Variants in LIN52 observed in about 807,000 individuals in gnomAD.
LIN52 encodes protein lin-52 homolog.
In LIN52, 4 loss-of-function variants were observed where a neutral mutation model predicts 18.5. The ratio of observed to expected loss-of-function variants is 0.22; its 90% CI spans 0.11 to 0.49. The LOEUF (loss-of-function observed/expected upper bound fraction) is 0.49. Ranked by LOEUF, LIN52 falls within the 20% of genes least tolerant of loss-of-function variation. LIN52 has a pLI of 0.97. For missense variants in LIN52, 102 were observed against 139.5 expected (o/e 0.73, Z 1.35); for synonymous variants, 34 against 45.5 (o/e 0.75, Z 1.02).
At chr14:74,194,236 C>G (rs1448557512) in intron 5 of LIN52, among the ~76,000 whole-genome samples, 1 of 152,156 alleles carries the variant, frequency 6.6e-6, no homozygotes, top group Admixed American at 6.5e-5. Flanking sequence ...AGTGAGAAAT[C>G]AATCTGTACC....
At chr14:74,185,695 T>G (rs1422453516) in intron 5 of LIN52, among the ~76,000 whole-genome samples, 1 of 152,214 alleles carries the variant, frequency 6.6e-6, no homozygotes, top group Non-Finnish European at 1.5e-5. Context: ...AAAAGTTACT[T>G]CAAAATAACT....
At chr14:74,156,836 C>A (rs1274071837) in intron 5 of LIN52, among the ~76,000 whole-genome samples, 1 of 152,094 alleles carries the variant, frequency 6.6e-6, no homozygotes, top group Admixed American at 6.6e-5. Context: ...AACCACTATT[C>A]TACTCTGTAC....
At chr14:74,104,405 G>T (rs1326899138) in intron 5 of LIN52, among the ~76,000 whole-genome samples, 2 of 151,692 alleles carry the variant, frequency 1.3e-5, no homozygotes, top group Non-Finnish European at 2.9e-5. Flanking sequence ...ATCTTTTTTA[G>T]CCTGTCATAC....
At chr14:74,172,280 A>C (rs1227231219) in intron 5 of LIN52, among the ~76,000 whole-genome samples, 1 of 152,170 alleles carries the variant, frequency 6.6e-6, no homozygotes, top group Non-Finnish European at 1.5e-5. Flanking sequence ...AAAGCCGTTA[A>C]AACACAGGAC....
chr14:74,175,748 ACACC>A (rs200961706), intron 5 of LIN52, among the ~76,000 whole-genome samples: 5,248 of 98,770 alleles, frequency 0.053, 187 homozygotes, highest in African/African-American at 0.11. Flanking sequence ...ACACACACAC[ACACC>A]CCCATTATAC....
At position 74,135,055 on chromosome 14, in the gene LIN52, T is replaced by TTTG. The variant is rs375589105; in HGVS notation, c.283+33831_283+33833dup. ...CCCTGAACCTTCTTTGAGGTAGGGA[T>TTTG]TTGTTGTTGTTGTTGTCGTTGTTGT... On this transcript the variant is annotated intron_variant, in intron 5 of 5. Coordinates refer to ENST00000555028, the MANE Select transcript of LIN52 (RefSeq NM_001024674.3). Among the ~76,000 whole-genome samples, 172 of 151,870 alleles carry TTTG rather than the reference T, an allele frequency of 1.1e-3. 2 individuals are homozygous for TTTG. In the East Asian group the frequency reaches 0.025, roughly 22 times the overall value.
chr14:74,115,804 G>A (rs907708773), intron 5 of LIN52, among the ~76,000 whole-genome samples: 3 of 152,058 alleles, frequency 2.0e-5, no homozygotes, highest in Admixed American at 6.5e-5. Context: ...TCTTTTATCC[G>A]TTAGTCAAGT....
intron 5 of LIN52, among the ~76,000 whole-genome samples, chr14:74,193,258 A>AG (rs2078890967): frequency 6.6e-6 from 1 of 151,662 alleles, no homozygotes; most frequent in Non-Finnish European, 1.5e-5. Context: ...AAAAAAAAAA[A>AG]AAAGAAAAAA....
chr14:74,158,201 G>A (rs1030307617), intron 5 of LIN52, among the ~76,000 whole-genome samples: 6 of 148,674 alleles, frequency 4.0e-5, no homozygotes, highest in East Asian at 2.0e-4. Flanking sequence ...TGCAACCTCC[G>A]CCTCACAGGT....
chr14:74,191,837 G>A (rs1032604868), intron 5 of LIN52, among the ~76,000 whole-genome samples: 4 of 151,922 alleles, frequency 2.6e-5, no homozygotes, highest in African/African-American at 7.3e-5. Flanking sequence ...GAGTTTCACC[G>A]TGTTAGCCAG....
intron 5 of LIN52, among the ~76,000 whole-genome samples, chr14:74,180,537 C>T (rs1403260389): frequency 6.6e-6 from 1 of 151,544 alleles, no homozygotes; most frequent in Non-Finnish European, 1.5e-5. Flanking sequence ...GGATTACAGG[C>T]GTGAGCCACC....
At chr14:74,115,151 G>T (rs182211239) in intron 5 of LIN52, among the ~76,000 whole-genome samples, 1 of 152,256 alleles carries the variant, frequency 6.6e-6, no homozygotes, top group East Asian at 1.9e-4. Context: ...TTCCCATTAG[G>T]TATTATGACT....
intron 5 of LIN52, among the ~76,000 whole-genome samples, chr14:74,155,471 A>G (rs2061195543): frequency 6.6e-6 from 1 of 152,148 alleles, no homozygotes; most frequent in Non-Finnish European, 1.5e-5. Flanking sequence ...ATCAATAAGG[A>G]GGTAATTGAA....
intron 4 of LIN52, among the ~76,000 whole-genome samples, chr14:74,100,450 A>G (rs2060845893): frequency 6.6e-6 from 1 of 151,646 alleles, no homozygotes; most frequent in Non-Finnish European, 1.5e-5. Flanking sequence ...ACAGGCATAC[A>G]CCACCATACC....
At chr14:74,093,158 G>T (rs1425512651) in intron 2 of LIN52, among the ~76,000 whole-genome samples, 1 of 151,698 alleles carries the variant, frequency 6.6e-6, no homozygotes, top group African/African-American at 2.4e-5. Context: ...CACCAAGTAG[G>T]TTGGTCTTGA....
At chr14:74,159,976 T>G (rs1001359668) in intron 5 of LIN52, among the ~76,000 whole-genome samples, 1 of 152,248 alleles carries the variant, frequency 6.6e-6, no homozygotes, top group African/African-American at 2.4e-5. Context: ...TGTATAATTT[T>G]CAGCAGAGAG....
chr14:74,164,127 GC>G (rs1014948204), intron 5 of LIN52, among the ~76,000 whole-genome samples: 6 of 151,270 alleles, frequency 4.0e-5, no homozygotes, highest in African/African-American at 1.5e-4. Flanking sequence ...GACTACAGGT[GC>G]CCGCCACCAT....
In LIN52 at chr14:74,145,461, G is replaced by A. The variant is rs541818535; in HGVS notation, c.283+44223G>A. On this transcript the variant is annotated intron_variant, in intron 5 of 5. Transcript: ENST00000555028. ...AAGCATCCACTTTTGTAGATCACCT[G>A]ATTTGTAGTAAAAGATTCTCTATGG... Among the ~76,000 whole-genome samples the A allele has an allele frequency of 2.0e-5, 3 of 152,228 alleles. No homozygotes were observed. The South Asian group carries it at 6.2e-4, about 32-fold the overall frequency.
chr14:74,151,202 TG>T (rs1200996293), intron 5 of LIN52, among the ~76,000 whole-genome samples: 3 of 152,204 alleles, frequency 2.0e-5, no homozygotes, highest in Non-Finnish European at 4.4e-5. Flanking sequence ...TCGGTGGGAA[TG>T]AAGAAAAGTC....
Sources: allele counts gnomAD v4.1 joint callset (sites outside exome capture counted in the v4.1 genomes callset), GRCh38; gene constraint gnomAD v4.1.1; transcripts MANE v1.5; gene names NCBI Gene and HGNC (gene_info 2026-07-23, HGNC 2026-07-21).